The following MMS19 variants were observed in gnomAD, a reference collection of about 807,000 sequenced individuals.
The protein encoded by MMS19 is MMS19 cytosolic iron-sulfur assembly component, also known as MMS19 nucleotide excision repair protein homolog.
A neutral mutation model predicts 129.8 loss-of-function variants in MMS19; 77 were observed. The observed-to-expected ratio is 0.59, with a 90% CI of 0.49 to 0.72. The LOEUF is 0.72. Ranked by LOEUF, MMS19 falls within the 30% of genes least tolerant of loss-of-function variation. The probability of loss-of-function intolerance (pLI) is 0.00; values close to 1 mark genes in which losing one functional copy is unlikely to be tolerated. For missense variants in MMS19, 1,168 were observed against 1,266.3 expected (o/e 0.92, Z 1.18); for synonymous variants, 491 against 502.8 (o/e 0.98, Z 0.31).
At chr10:97,477,149 G>T in intron 6 of MMS19, 186 bp from the exon 7 acceptor site, 4 of 1,475,822 alleles carry the variant, frequency 2.7e-6, no homozygotes, top group Non-Finnish European at 2.7e-6. Flanking sequence ...GTGGAGGCAA[G>T]AATTTAAAAC....
chr10:97,491,906 C>T (rs575959230), intron 1 of MMS19, among the ~76,000 whole-genome samples: 6 of 151,746 alleles, frequency 4.0e-5, no homozygotes, highest in Non-Finnish European at 8.8e-5. Context: ...TCTGGGAGGC[C>T]GAGGTGGGTG....
At position 97,477,392 on chromosome 10, in the gene MMS19, T is replaced by C. The variant is rs1366284917; in HGVS notation, c.448A>G (p.Thr150Ala). 3 of 1,613,830 alleles carry C rather than the reference T, an allele frequency of 1.9e-6. No homozygotes were observed. The highest frequency in any genetic ancestry group is 2.5e-6 in the Non-Finnish European group (3 of 1,179,904). Residue 150 changes from threonine (T) to alanine (A), a missense_variant, in exon 6 of 31, where the codon ACA (threonine) becomes GCA (alanine). Thr to Ala is a moderately conservative substitution (Grantham distance 58). Transcript: ENST00000438925. ...VQSLPQVDRH[T>A]VYNIITNFMR... is the part of the protein sequence containing the mutation. Reference sequence around the variant, plus strand: ...AAATTGGTGATGATATTGTAGACTGTGTGTCGGTCCACCTGTGGCAGGGAC... The same window carrying C: ...AAATTGGTGATGATATTGTAGACTGCGTGTCGGTCCACCTGTGGCAGGGAC...
rs1276975780 is a variant in MMS19 at position 97,460,710 on chromosome 10, G to A, written c.2454C>T (p.Ser818=). The change falls in exon 25 of 31, where the codon TCC becomes TCT. Residue 818 remains serine, a synonymous_variant. Transcript: ENST00000438925. ...AAGGACGTACCCGGGCTGTAAGGCA[G>A]GAGCTGAGAGGATGGTATCTGAGCA... ...ALVLRYHPLS[S]CLTARLMGLL... 6.3e-7 allele frequency: 1 copy of A among 1,597,176 alleles called. No individual in the cohort carries two copies. Among genetic ancestry groups the A allele is most frequent in the Admixed American group, 1.7e-5 (1 of 57,614 alleles).
chr10:97,461,013 AAGG>A lies in MMS19; in HGVS notation c.2312-9_2312-7del, dbSNP rs1408235557. On this transcript the variant is annotated splice_region_variant and splice_polypyrimidine_tract_variant and intron_variant, in intron 23 of 30. Transcript: ENST00000438925. ...GAATTCATCCAGCTGCTGCCCTAAAAAGGAGAGAGGAAATGCTGACATAAAGGC... is the reference window on the plus strand; with the variant it reads ...GAATTCATCCAGCTGCTGCCCTAAAAAGAGAGGAAATGCTGACATAAAGGC... 5 of 1,550,380 alleles carry A rather than the reference AAGG, an allele frequency of 3.2e-6. No individual in the cohort carries two copies. Among genetic ancestry groups the A allele is most frequent in the Non-Finnish European group, 2.6e-6 (3 of 1,145,076 alleles).
At position 97,470,200 on chromosome 10, in the gene MMS19, GA is replaced by G; in HGVS notation, c.774del (p.Leu259CysfsTer5). 1 of 1,603,548 alleles carries G rather than the reference GA, an allele frequency of 6.2e-7. No homozygotes were observed. The highest frequency in any genetic ancestry group is 8.5e-7 in the Non-Finnish European group (1 of 1,174,570). ...VLASTPRFAE[F>X]LLPLLIEKVD... is the part of the protein sequence containing the mutation. ...ACTTTCTCAATCAACAGGGGCAGCAGAAACTGTGGGACAGAAGGAAGATCTT... is the reference window on the plus strand; with the variant it reads ...ACTTTCTCAATCAACAGGGGCAGCAGAACTGTGGGACAGAAGGAAGATCTT... On this transcript the variant is annotated frameshift_variant and splice_region_variant, in exon 10 of 31. Coordinates refer to ENST00000438925, the MANE Select transcript of MMS19 (RefSeq NM_022362.5). LOFTEE classifies it high-confidence loss of function.
At chr10:97,465,195 T>C (rs2033171517) in intron 18 of MMS19, among the ~76,000 whole-genome samples, 1 of 144,172 alleles carries the variant, frequency 6.9e-6, no homozygotes, top group Admixed American at 7.0e-5. Context: ...AGAGACGGGA[T>C]TGCACCATGT....
chr10:97,466,869 G>A lies in MMS19; in HGVS notation c.1330C>T (p.Leu444=), dbSNP rs1564635469. The A allele has an allele frequency of 1.2e-6, 2 of 1,613,918 alleles. No individual in the cohort carries two copies. The highest frequency in any genetic ancestry group is 2.7e-5 in the African/African-American group (2 of 75,052). The change falls in exon 15 of 31, where the codon CTG becomes TTG. Residue 444 remains leucine (L), a synonymous_variant. Transcript: ENST00000438925. ...AGAGCCATGAATACCAGTGAGCACA[G>A]CTGGTCCTTGAAGCCATTCAGAGGC... ...QRPLNGFKDQ[L]CSLVFMALTD... is the part of the protein sequence containing the mutation.
Position 97,460,306 on chromosome 10 carries a change from G to A in MMS19, c.2470-74C>T. On this transcript the variant is annotated intron_variant, in intron 25 of 30. Coordinates refer to ENST00000438925, the MANE Select transcript of MMS19 (RefSeq NM_022362.5). The stretch of plus-strand genomic sequence containing the variant: ...GTGCCAAAGATAAGGATGGGGCCGG[G>A]TGTGGTGGCTCATGCCTGTAATCCT... 2.8e-6 allele frequency: 4 copies of A among 1,408,794 alleles called. No homozygotes were observed. In the South Asian group the frequency reaches 5.2e-5, roughly 18 times the overall value. 87.3% of individuals were successfully genotyped at this position (1,408,794 alleles called of 1,614,324 possible). A position where few individuals can be genotyped will look rare whatever the true frequency, so the allele number is the denominator to read the frequency against.
chr10:97,461,702 CG>C, intron 22 of MMS19, 80 bp from the exon 23 acceptor site: 5 of 1,555,528 alleles, frequency 3.2e-6, no homozygotes, highest in Non-Finnish European at 3.5e-6. Context: ...CAGCAGGGAC[CG>C]GGACGGATGA....
At position 97,460,262 on chromosome 10, in the gene MMS19, C is replaced by T. The variant is rs540867664; in HGVS notation, c.2470-30G>A. 44 of 1,593,550 alleles carry T rather than the reference C, an allele frequency of 2.8e-5. 1 individual carries two copies. In the South Asian group the frequency reaches 4.6e-4, roughly 17 times the overall value. ...AGAAAAAAGAGCCTTTGAGGTACAT[C>T]AGGGAAGAAGAATCTTAAGTGCCAA... On this transcript the variant is annotated intron_variant, in intron 25 of 30. Transcript: ENST00000438925.
At chr10:97,481,126 A>AC (rs2036720209) in intron 2 of MMS19, 84 bp from the exon 3 acceptor site, 2 of 881,360 alleles carry the variant, frequency 2.3e-6, no homozygotes, top group Admixed American at 4.6e-5. Flanking sequence ...AGTCACACTC[A>AC]CCCCCTGGGC....
At chr10:97,479,049 A>G (rs2036272166) in intron 3 of MMS19, among the ~76,000 whole-genome samples, 1 of 152,142 alleles carries the variant, frequency 6.6e-6, no homozygotes. Flanking sequence ...CCCTGTCTCC[A>G]AAAAACAAAT....
intron 1 of MMS19, among the ~76,000 whole-genome samples, chr10:97,485,044 G>A (rs1342492184): frequency 1.3e-5 from 2 of 152,118 alleles, no homozygotes; most frequent in East Asian, 3.9e-4. Flanking sequence ...CAAAGTGCTG[G>A]GATTACAGAT....
chr10:97,477,951 G>C, intron 4 of MMS19, 22 bp from the exon 5 acceptor site: 1 of 1,537,524 alleles, frequency 6.5e-7, no homozygotes, highest in South Asian at 1.2e-5. Flanking sequence ...GAGAAGGTAC[G>C]TGAATACCGA....
intron 3 of MMS19, among the ~76,000 whole-genome samples, chr10:97,479,536 C>T (rs781069176): frequency 2.6e-5 from 4 of 152,152 alleles, no homozygotes; most frequent in East Asian, 1.9e-4. Flanking sequence ...GAAATTATTA[C>T]GTGCTGCATT....
intron 1 of MMS19, among the ~76,000 whole-genome samples, chr10:97,493,048 T>C (rs2039194500): frequency 6.6e-6 from 1 of 151,938 alleles, no homozygotes; most frequent in Non-Finnish European, 1.5e-5. Context: ...TCTTGCTCTG[T>C]CACCCAGGCT....
intron 27 of MMS19, 46 bp downstream of exon 27, chr10:97,459,610 GGAA>G (rs1437879177): frequency 1.3e-6 from 2 of 1,599,712 alleles, no homozygotes; most frequent in Non-Finnish European, 1.7e-6. Flanking sequence ...CCCCATCTGG[GGAA>G]GAATAGCTTT....
chr10:97,462,751 C>G lies in MMS19; in HGVS notation c.1913-69G>C, dbSNP rs1380930913. ...GGTTCAAGAAATGAATGATTGGGTTCTGTCAGCATCACTGACTCTGGGGCT... is the reference window on the plus strand; with the variant it reads ...GGTTCAAGAAATGAATGATTGGGTTGTGTCAGCATCACTGACTCTGGGGCT... On this transcript the variant is annotated intron_variant, in intron 19 of 30. Coordinates refer to ENST00000438925, the MANE Select transcript of MMS19 (RefSeq NM_022362.5). 1.1e-5 allele frequency: 14 copies of G among 1,220,916 alleles called. No homozygotes were observed. In the East Asian group the frequency reaches 2.9e-4, roughly 25 times the overall value. The allele number at this position is 1,220,916 out of a possible 1,614,324, so 75.6% of individuals were successfully genotyped here. A position where few individuals can be genotyped will look rare whatever the true frequency, so the allele number is the denominator to read the frequency against.
chr10:97,472,780 T>G (rs967974567), intron 8 of MMS19, among the ~76,000 whole-genome samples: 1 of 152,062 alleles, frequency 6.6e-6, no homozygotes, highest in Non-Finnish European at 1.5e-5. Flanking sequence ...AGTTAATTTT[T>G]GTATTTCTTA....
Sources: gnomAD v4.1 joint callset for allele counts (sites outside exome capture counted in the v4.1 genomes callset) on GRCh38, gnomAD v4.1.1 for gene constraint, MANE v1.5 for transcripts, NCBI Gene and HGNC (gene_info 2026-07-23, HGNC 2026-07-21) for gene names.